KALRN: variants seen among roughly 807,000 people sequenced by gnomAD.
KALRN encodes the protein kalirin.
KALRN carries 70 observed loss-of-function variants against 353.7 expected under a neutral mutation model. The ratio of observed to expected loss-of-function variants is 0.20; its 90% confidence interval spans 0.16 to 0.24. The LOEUF (loss-of-function observed/expected upper bound fraction) is 0.24. KALRN is among the 10% of genes least tolerant of loss of function. The pLI is 1.00. For synonymous variants in KALRN, 1,391 were observed against 1,434.8 expected, an observed-to-expected ratio of 0.97 and a Z score of 0.69; for missense variants, 2,791 against 3,756.7, an observed-to-expected ratio of 0.74 and a Z score of 6.72.
At chr3:124,107,588 T>C (rs1388791473) in intron 1 of KALRN, among the ~76,000 whole-genome samples, 4 of 152,250 alleles carry the variant, frequency 2.6e-5, no homozygotes, top group African/African-American at 9.6e-5. Context: ...TGCTGCCTCA[T>C]GCCTGGGAAG....
Position 124,694,354 on chromosome 3 carries a change from C to G in KALRN, c.7428C>G (p.Pro2476=). The stretch of plus-strand genomic sequence containing the variant: ...CAGTGGCCCCAGAATTCCTTGTGCC[C>G]TTGGTGGATGTGACCTGCTTGCTTG... ...IQEVAPEFLV[P]LVDVTCLLGD... The change falls in exon 53 of 60, where the codon CCC becomes CCG. Residue 2476 remains proline (P), a synonymous_variant. Coordinates refer to ENST00000682506, the MANE Select transcript of KALRN (RefSeq NM_001388419.1). 3 of 1,614,106 alleles carry G rather than the reference C, an allele frequency of 1.9e-6. No individual in the cohort carries two copies. In the South Asian group the frequency reaches 3.3e-5, roughly 18 times the overall value.
At chr3:124,414,933 A>G (rs1432368457) in intron 14 of KALRN, among the ~76,000 whole-genome samples, 1 of 152,250 alleles carries the variant, frequency 6.6e-6, no homozygotes, top group African/African-American at 2.4e-5. Flanking sequence ...TGAACTTTAA[A>G]GTACTGTGTT....
chr3:124,385,330 T>C (rs907107625), intron 11 of KALRN, among the ~76,000 whole-genome samples: 1 of 152,096 alleles, frequency 6.6e-6, no homozygotes, highest in Non-Finnish European at 1.5e-5. Flanking sequence ...GAATCCCTGA[T>C]ATAGCAATAG....
chr3:124,328,217 GGTT>G (rs1436169069), intron 7 of KALRN, among the ~76,000 whole-genome samples: 6 of 152,188 alleles, frequency 3.9e-5, no homozygotes, highest in African/African-American at 1.4e-4. Context: ...CCGTTGTTAA[GGTT>G]GTTGGTGGTA....
chr3:124,312,646 G>T lies in KALRN; in HGVS notation c.1093-13334G>T, dbSNP rs534647939. On this transcript the variant is annotated intron_variant, in intron 6 of 59. Coordinates refer to ENST00000682506, the MANE Select transcript of KALRN (RefSeq NM_001388419.1). ...CACTGGTGGTGTTAGGGAAGCTGAAGTAAGAGGATCTGTGTGTACCACACA... is the reference window on the plus strand; with the variant it reads ...CACTGGTGGTGTTAGGGAAGCTGAATTAAGAGGATCTGTGTGTACCACACA... 5.9e-5 allele frequency among the ~76,000 whole-genome samples: 9 copies of T among 152,360 alleles called. No individual in the cohort carries two copies. In the South Asian group the frequency reaches 1.9e-3, roughly 32 times the overall value.
intron 45 of KALRN, among the ~76,000 whole-genome samples, chr3:124,665,094 AG>A (rs3834189): frequency 0.028 from 4,236 of 152,320 alleles, 80 homozygotes; most frequent in East Asian, 0.078. Context: ...GGAACACAAA[AG>A]AAAAATGACC....
intron 10 of KALRN, among the ~76,000 whole-genome samples, chr3:124,382,725 G>A (rs1425943344): frequency 2.0e-5 from 3 of 152,160 alleles, no homozygotes; most frequent in Non-Finnish European, 4.4e-5. Context: ...GGAATCCTGA[G>A]ACTCTTTAGG....
intron 37 of KALRN, among the ~76,000 whole-genome samples, chr3:124,641,144 T>A (rs1204131718): frequency 1.3e-5 from 2 of 152,054 alleles, no homozygotes; most frequent in Non-Finnish European, 2.9e-5. Context: ...TGAGTTAGGA[T>A]CTCTGCTGCA....
chr3:124,348,326 T>G (rs2082486228), intron 10 of KALRN, among the ~76,000 whole-genome samples: 1 of 152,192 alleles, frequency 6.6e-6, no homozygotes, highest in African/African-American at 2.4e-5. Context: ...GCCCTGGGCC[T>G]CACCCAGGGA....
chr3:124,530,090 G>T (rs2067916819), intron 33 of KALRN, among the ~76,000 whole-genome samples: 1 of 152,186 alleles, frequency 6.6e-6, no homozygotes, highest in South Asian at 2.1e-4. Context: ...GTCAGCCCAA[G>T]AAATGGTCAA....
chr3:124,427,701 A>G (rs1375740361), intron 15 of KALRN, among the ~76,000 whole-genome samples: 1 of 152,166 alleles, frequency 6.6e-6, no homozygotes, highest in African/African-American at 2.4e-5. Flanking sequence ...CCTAGCTCTT[A>G]AGTCCCCAAG....
intron 33 of KALRN, among the ~76,000 whole-genome samples, chr3:124,516,989 T>G (rs902129552): frequency 3.3e-5 from 5 of 152,152 alleles, no homozygotes; most frequent in Admixed American, 3.3e-4. Context: ...AGCTAACTTT[T>G]GTATTTTTAG....
At chr3:124,304,233 G>A (rs1276798870) in intron 6 of KALRN, among the ~76,000 whole-genome samples, 1 of 151,848 alleles carries the variant, frequency 6.6e-6, no homozygotes, top group Non-Finnish European at 1.5e-5. Flanking sequence ...CATAGAACTT[G>A]TTTTAAAAAA....
At chr3:124,404,602 A>C (rs2091292911) in intron 13 of KALRN, among the ~76,000 whole-genome samples, 1 of 151,934 alleles carries the variant, frequency 6.6e-6, no homozygotes, top group Non-Finnish European at 1.5e-5. Context: ...TGACTTAAAA[A>C]AAAAAAACTT....
intron 33 of KALRN, among the ~76,000 whole-genome samples, chr3:124,541,455 A>G (rs2069016698): frequency 6.6e-6 from 1 of 151,898 alleles, no homozygotes. Flanking sequence ...ATCTCAAAAA[A>G]TTAAAATTAA....
At chr3:124,640,415 T>C (rs2081915705) in intron 37 of KALRN, among the ~76,000 whole-genome samples, 1 of 151,252 alleles carries the variant, frequency 6.6e-6, no homozygotes, top group African/African-American at 2.4e-5. Flanking sequence ...GCCTCCTGAG[T>C]AGCTGGGATT....
At chr3:124,442,975 G>A (rs575909602) in intron 19 of KALRN, among the ~76,000 whole-genome samples, 60 of 151,694 alleles carry the variant, frequency 4.0e-4, no homozygotes, top group African/African-American at 1.4e-3. Flanking sequence ...AGAGTGAGAC[G>A]CTGTCTCAAA....
chr3:124,611,558 T>C (rs1403015472), intron 34 of KALRN, among the ~76,000 whole-genome samples: 1 of 152,200 alleles, frequency 6.6e-6, no homozygotes. Context: ...GTGATTCTAG[T>C]TGGAGGGAGA....
rs1358865663 is a variant in KALRN at position 124,405,579 on chromosome 3, G to A, written c.2346+6708G>A. 2.0e-5 allele frequency among the ~76,000 whole-genome samples: 3 copies of A among 150,304 alleles called. No homozygotes were observed. The East Asian group carries it at 5.9e-4, about 29-fold the overall frequency. Reference sequence around the variant, plus strand: ...TATGGACACAAGTATAAAAAGGAATGACCAAGATCCCTCCCAACCCTGTTA... The same window carrying A: ...TATGGACACAAGTATAAAAAGGAATAACCAAGATCCCTCCCAACCCTGTTA... On this transcript the variant is annotated intron_variant, in intron 13 of 59. Transcript: ENST00000682506.
Sources: gnomAD v4.1 joint callset for allele counts (sites outside exome capture counted in the v4.1 genomes callset) on GRCh38, gnomAD v4.1.1 for gene constraint, MANE v1.5 for transcripts, NCBI Gene and HGNC (gene_info 2026-07-23, HGNC 2026-07-21) for gene names.